Variants in LRP2 observed in about 807,000 individuals in gnomAD.
LRP2 encodes low-density lipoprotein receptor-related protein 2.
LRP2 carries 172 observed loss-of-function variants against 531.0 expected under a neutral mutation model. The observed-to-expected ratio is 0.32, with a 90% confidence interval of 0.29 to 0.37. The LOEUF is 0.37. Among genes scored for constraint, LRP2 ranks in the 10% least tolerant of loss-of-function variants. The pLI is 1.00. For missense variants in LRP2, 5,167 were observed against 5,868.3 expected, an observed-to-expected ratio of 0.88 and a Z score of 3.90; for synonymous variants, 1,992 against 2,027.6, an observed-to-expected ratio of 0.98 and a Z score of 0.47.
intron 16 of LRP2, among the ~76,000 whole-genome samples, chr2:169,261,400 A>T (rs1194138582): frequency 6.6e-6 from 1 of 151,940 alleles, no homozygotes; most frequent in Non-Finnish European, 1.5e-5. Context: ...GTCATAGCCC[A>T]CTGCAGCCTC....
chr2:169,277,787 C>A lies in LRP2; in HGVS notation c.1730G>T (p.Arg577Leu). ...ISKRVYWVDS[R>L]FDYIETVTYD... ...AGTTACAGTTTCAATGTAATCAAAC[C>A]GAGAGTCAACCCAGTAAACACGCTT... is the stretch of plus-strand genomic sequence containing the variant. The change falls in exon 13 of 79, where the codon CGG becomes CTG. Residue 577 changes from arginine to leucine, a missense_variant. Arg to Leu is a moderately radical substitution (Grantham distance 102, BLOSUM62 -2). This residue lies in a region of LRP2 where 2,811 missense variants were observed against 3,058.0 expected (regional missense o/e 0.92). Transcript: ENST00000649046. 6.2e-7 allele frequency: 1 copy of A among 1,614,020 alleles called. No homozygotes were observed. Among genetic ancestry groups the A allele is most frequent in the Non-Finnish European group, 8.5e-7 (1 of 1,179,972 alleles).
chr2:169,300,971 T>C (rs1420134033), intron 4 of LRP2, among the ~76,000 whole-genome samples: 3 of 152,058 alleles, frequency 2.0e-5, no homozygotes, highest in Admixed American at 6.6e-5. Context: ...TAAAGAAAAA[T>C]GTTTAAATTC....
chr2:169,332,044 A>G (rs1685283011), intron 1 of LRP2, among the ~76,000 whole-genome samples: 1 of 152,214 alleles, frequency 6.6e-6, no homozygotes, highest in Admixed American at 6.5e-5. Flanking sequence ...CAAGTGTTGA[A>G]CCATAAATCA....
At chr2:169,290,749 A>T in intron 8 of LRP2, 96 bp downstream of exon 8, 1 of 1,329,728 alleles carries the variant, frequency 7.5e-7, no homozygotes, top group Non-Finnish European at 1.1e-6. Flanking sequence ...GTGCTTTGTT[A>T]TGCAAATGCC....
rs1688395549 is a variant in LRP2 at position 169,206,569 on chromosome 2, A to G, written c.7151T>C (p.Ile2384Thr). The change falls in exon 39 of 79, where the codon ATT becomes ACT. Residue 2384 changes from isoleucine to threonine, a missense_variant. By Grantham distance (89) the Ile-to-Thr change is moderately conservative (BLOSUM62 -1). Coordinates refer to ENST00000649046, the MANE Select transcript of LRP2 (RefSeq NM_004525.3). Reference sequence around the variant, plus strand: ...AAAGATGAGGAAATTTTCTGTTGAAATGGCACAATTCTTGCCATCACTTTG... The same window carrying G: ...AAAGATGAGGAAATTTTCTGTTGAAGTGGCACAATTCTTGCCATCACTTTG... Reference protein sequence around the residue: ...TLQSDGKNCAISTENFLIFAL... With the variant: ...TLQSDGKNCATSTENFLIFAL... The G allele has an allele frequency of 6.2e-7, 1 of 1,614,210 alleles. No homozygotes were observed.
chr2:169,187,984 T>G lies in LRP2; in HGVS notation c.9314A>C (p.Asp3105Ala). ...GTTGTACTCACCACAGCCTTTCTCA[T>G]CGCTGTTGTCCAAACAGTCATCTAG... Reference protein sequence around the residue: ...NHLDDCLDNSDEKGCGINECH... With the variant: ...NHLDDCLDNSAEKGCGINECH... The change falls in exon 49 of 79, where the codon GAT (aspartate) becomes GCT (alanine). Residue 3105 changes from aspartate to alanine, a missense_variant. Transcript: ENST00000649046. The G allele has an allele frequency of 6.2e-7, 1 of 1,614,112 alleles. No individual in the cohort carries two copies. The highest frequency in any genetic ancestry group is 8.5e-7 in the Non-Finnish European group (1 of 1,179,984).
chr2:169,177,506 T>A (rs1034123066), intron 53 of LRP2, among the ~76,000 whole-genome samples: 3 of 151,642 alleles, frequency 2.0e-5, no homozygotes, highest in Admixed American at 1.3e-4. Flanking sequence ...ATAGATGAAG[T>A]AAATATGGCA....
chr2:169,128,908 T>C lies in LRP2; in HGVS notation c.13801-78A>G, dbSNP rs41268683. The C allele has an allele frequency of 0.056, 87,584 of 1,569,480 alleles. 2,676 individuals carry two copies. Among genetic ancestry groups the C allele is most frequent in the South Asian group, 0.066 (5,968 of 90,138 alleles). On this transcript the variant is annotated intron_variant, in intron 78 of 78. Coordinates refer to ENST00000649046, the MANE Select transcript of LRP2 (RefSeq NM_004525.3). ...ACACGGTTTTTCATAAAGAAGACTA[T>C]TTGTGGCCACTCTGCTCAGAATAAT...
At chr2:169,215,072 A>T (rs1174590403) in intron 35 of LRP2, among the ~76,000 whole-genome samples, 1 of 152,234 alleles carries the variant, frequency 6.6e-6, no homozygotes, top group African/African-American at 2.4e-5. Context: ...ATACCATGTA[A>T]CAAGAGCTTC....
intron 1 of LRP2, among the ~76,000 whole-genome samples, chr2:169,329,262 G>A (rs774048513): frequency 2.0e-5 from 3 of 152,160 alleles, no homozygotes; most frequent in Non-Finnish European, 4.4e-5. Context: ...AACTTGACAG[G>A]CCAGGCGTGA....
intron 1 of LRP2, among the ~76,000 whole-genome samples, chr2:169,347,681 C>T (rs1266049600): frequency 2.6e-5 from 4 of 151,938 alleles, no homozygotes; most frequent in African/African-American, 9.7e-5. Context: ...GTACAGTCTT[C>T]TAGTCTTCTA....
chr2:169,246,626 C>T (rs1690015601), intron 21 of LRP2, 79 bp downstream of exon 21: 1 of 1,513,896 alleles, frequency 6.6e-7, no homozygotes, highest in Non-Finnish European at 9.2e-7. Context: ...ATAAATAGCC[C>T]AAGCTTTTAT....
Position 169,198,810 on chromosome 2 carries a change from T to C in LRP2, c.8554A>G (p.Ser2852Gly). The change falls in exon 45 of 79, where the codon AGT becomes GGT. Residue 2852 changes from serine to glycine, a missense_variant. Ser to Gly is a moderately conservative substitution (Grantham distance 56, BLOSUM62 0). This residue lies in a region of LRP2 where 1,129 missense variants were observed against 1,362.7 expected (regional missense o/e 0.83). Coordinates refer to ENST00000649046, the MANE Select transcript of LRP2 (RefSeq NM_004525.3). ...CTGCAATAAGTAGGGTTTTCATCAC[T>C]GTTATCTCCACAGTCATTGTCTCCG... ...CDGDNDCGDN[S>G]DENPTYCTTH... is the part of the protein sequence containing the mutation. 2 of 1,614,002 alleles carry C rather than the reference T, an allele frequency of 1.2e-6. No homozygotes were observed. The highest frequency in any genetic ancestry group is 1.7e-6 in the Non-Finnish European group (2 of 1,179,904).
At chr2:169,311,993 G>A (rs1452651873) in intron 3 of LRP2, among the ~76,000 whole-genome samples, 2 of 152,136 alleles carry the variant, frequency 1.3e-5, no homozygotes, top group Non-Finnish European at 2.9e-5. Context: ...TTGGTTTAAA[G>A]TCTGTTTTAT....
chr2:169,327,219 C>G (rs571593341), intron 1 of LRP2, among the ~76,000 whole-genome samples: 52 of 125,678 alleles, frequency 4.1e-4, no homozygotes, highest in South Asian at 4.1e-3. Flanking sequence ...GCCGCCCCAT[C>G]CGGGAGGGAG....
At chr2:169,225,253 A>G in intron 33 of LRP2, 57 bp downstream of exon 33, 1 of 1,555,342 alleles carries the variant, frequency 6.4e-7, no homozygotes, top group Non-Finnish European at 8.9e-7. Context: ...TCCTGAGACT[A>G]GAGTTTACAT....
chr2:169,146,377 G>T (rs1685912600), intron 69 of LRP2, among the ~76,000 whole-genome samples: 1 of 152,070 alleles, frequency 6.6e-6, no homozygotes, highest in African/African-American at 2.4e-5. Flanking sequence ...GTGCATACTG[G>T]GCAATCTAGT....
At chr2:169,228,370 A>C (rs1293763358) in intron 31 of LRP2, among the ~76,000 whole-genome samples, 1 of 151,720 alleles carries the variant, frequency 6.6e-6, no homozygotes, top group Non-Finnish European at 1.5e-5. Flanking sequence ...AATTATATTG[A>C]GATGATATTT....
At chr2:169,296,973 T>A (rs549889806) in intron 4 of LRP2, among the ~76,000 whole-genome samples, 2 of 152,260 alleles carry the variant, frequency 1.3e-5, no homozygotes, top group Admixed American at 1.3e-4. Flanking sequence ...TCACTCTCAA[T>A]CAGCAGAGGA....
Sources: allele counts gnomAD v4.1 joint callset (sites outside exome capture counted in the v4.1 genomes callset), GRCh38; gene constraint gnomAD v4.1.1; regional missense constraint gnomAD v4.1.1; transcripts MANE v1.5; gene names NCBI Gene and HGNC (gene_info 2026-07-23, HGNC 2026-07-21).